The following FBXO42 variants were observed in gnomAD, a reference collection of about 807,000 sequenced individuals.
FBXO42 encodes the protein F-box only protein 42.
In FBXO42, 12 loss-of-function variants were observed where a neutral mutation model predicts 71.7. That is an observed-to-expected ratio of 0.17 (90% confidence interval 0.11 to 0.27). The LOEUF is 0.27. Ranked by LOEUF, FBXO42 falls within the 10% of genes least tolerant of loss-of-function variation. The pLI, the probability that FBXO42 is intolerant of heterozygous loss-of-function variation, is 1.00. For missense variants in FBXO42, 707 were observed against 911.9 expected (o/e 0.78, Z 2.89); for synonymous variants, 325 against 327.5 (o/e 0.99, Z 0.08).
At chr1:16,330,088 T>C (rs1244199165) in intron 1 of FBXO42, among the ~76,000 whole-genome samples, 1 of 151,870 alleles carries the variant, frequency 6.6e-6, no homozygotes. Context: ...AGTTATTATA[T>C]TATTATCACA....
chr1:16,331,067 C>T (rs1419554048), intron 1 of FBXO42, among the ~76,000 whole-genome samples: 1 of 150,074 alleles, frequency 6.7e-6, no homozygotes, highest in Non-Finnish European at 1.5e-5. Flanking sequence ...TTGCAGTGAG[C>T]CAAGACAGCG....
intron 1 of FBXO42, among the ~76,000 whole-genome samples, chr1:16,347,862 G>A (rs558348325): frequency 2.6e-5 from 4 of 151,780 alleles, no homozygotes; most frequent in Admixed American, 6.6e-5. Context: ...GGTAGTGGGC[G>A]CCTGTAGTCT....
chr1:16,255,658 T>C (rs1378351899), intron 6 of FBXO42, 53 bp downstream of exon 6: 1 of 1,458,332 alleles, frequency 6.9e-7, no homozygotes, highest in Non-Finnish European at 9.5e-7. Flanking sequence ...AAACCTGTTA[T>C]TCCCAGGAGT....
At chr1:16,347,256 C>T (rs2082661043) in intron 1 of FBXO42, among the ~76,000 whole-genome samples, 1 of 152,020 alleles carries the variant, frequency 6.6e-6, no homozygotes, top group Admixed American at 6.6e-5. Flanking sequence ...TAGCTCATGC[C>T]TGTAATCCTA....
At chr1:16,261,978 C>T (rs2100450402) in intron 4 of FBXO42, among the ~76,000 whole-genome samples, 1 of 152,156 alleles carries the variant, frequency 6.6e-6, no homozygotes, top group East Asian at 1.9e-4. Flanking sequence ...TCCCAAACTG[C>T]TGGGATTACA....
intron 4 of FBXO42, among the ~76,000 whole-genome samples, chr1:16,260,689 T>C (rs2100446477): frequency 6.6e-6 from 1 of 152,132 alleles, no homozygotes; most frequent in East Asian, 1.9e-4. Flanking sequence ...TTATTCTGGA[T>C]TTTAATTTTT....
chr1:16,286,660 C>T (rs935612867), intron 4 of FBXO42, among the ~76,000 whole-genome samples: 24 of 152,164 alleles, frequency 1.6e-4, no homozygotes, highest in African/African-American at 5.8e-4. Context: ...TGTGTCTCCC[C>T]TGAACTCCAT....
intron 2 of FBXO42, among the ~76,000 whole-genome samples, chr1:16,310,532 T>A (rs901097260): frequency 6.6e-6 from 1 of 151,702 alleles, no homozygotes; most frequent in Non-Finnish European, 1.5e-5. Context: ...CCTTATCCCC[T>A]CCCCAAAATA....
At chr1:16,265,713 A>G (rs545620271) in intron 4 of FBXO42, among the ~76,000 whole-genome samples, 3 of 152,006 alleles carry the variant, frequency 2.0e-5, no homozygotes, top group Non-Finnish European at 4.4e-5. Flanking sequence ...TCCAACCTAA[A>G]GGGTTATTTA....
intron 2 of FBXO42, among the ~76,000 whole-genome samples, chr1:16,312,624 T>C (rs575196633): frequency 6.6e-6 from 1 of 152,096 alleles, no homozygotes; most frequent in South Asian, 2.1e-4. Context: ...ACCCATAGAA[T>C]GCACAACACC....
chr1:16,348,326 G>GTACAGCACAA (rs367980693), intron 1 of FBXO42, among the ~76,000 whole-genome samples: 2,951 of 152,242 alleles, frequency 0.019, 80 homozygotes, highest in African/African-American at 0.068. Flanking sequence ...ACAGCACTAA[G>GTACAGCACAA]GTAAATAACT....
At chr1:16,327,751 G>A (rs2082463433) in intron 1 of FBXO42, among the ~76,000 whole-genome samples, 1 of 152,178 alleles carries the variant, frequency 6.6e-6, no homozygotes, top group Admixed American at 6.6e-5. Context: ...TGCCCAGGCT[G>A]GAGTGCAATG....
At chr1:16,254,038 T>C (rs1429921825) in intron 6 of FBXO42, among the ~76,000 whole-genome samples, 1 of 152,210 alleles carries the variant, frequency 6.6e-6, no homozygotes, top group Non-Finnish European at 1.5e-5. Flanking sequence ...TGATATAAAA[T>C]GAAGGGACCT....
intron 3 of FBXO42, among the ~76,000 whole-genome samples, chr1:16,300,893 CTTTTTTTTTTT>C (rs34549210): frequency 3.0e-5 from 3 of 100,896 alleles, no homozygotes; most frequent in South Asian, 3.1e-4. Flanking sequence ...TAGAATTGGC[CTTTTTTTTTTT>C]TTTTTTTTTT....
In FBXO42 at chr1:16,302,810, G is replaced by A. The variant is rs561609683; in HGVS notation, c.367+2993C>T. On this transcript the variant is annotated intron_variant, in intron 3 of 9. Transcript: ENST00000375592. ...CAGGCGTAAGCCACTGCGGCCAGCC[G>A]AAACCGCCACTTTTAAACCATCAGA... is the stretch of plus-strand genomic sequence containing the variant. Among the ~76,000 whole-genome samples, 6 of 152,150 alleles carry A rather than the reference G, an allele frequency of 3.9e-5. No homozygotes were observed. The South Asian group carries it at 1.0e-3, about 26-fold the overall frequency.
intron 1 of FBXO42, among the ~76,000 whole-genome samples, chr1:16,336,857 C>T (rs558199726): frequency 6.6e-5 from 10 of 152,090 alleles, no homozygotes; most frequent in South Asian, 6.2e-4. Flanking sequence ...TGGTGGCAAA[C>T]GCCCGTAATT....
chr1:16,335,446 A>G lies in FBXO42; in HGVS notation c.-18+16809T>C, dbSNP rs569271336. On this transcript the variant is annotated intron_variant, in intron 1 of 9. Transcript: ENST00000375592. ...AGACACCATGCCCCCGGCTCATATC[A>G]CTTCCTAACTAATCTGCCACAATTA... 4.6e-5 allele frequency among the ~76,000 whole-genome samples: 7 copies of G among 152,168 alleles called. No individual in the cohort carries two copies. The East Asian group carries it at 1.4e-3, about 29-fold the overall frequency.
intron 1 of FBXO42, among the ~76,000 whole-genome samples, chr1:16,343,390 A>C (rs1463505947): frequency 1.2e-5 from 1 of 84,666 alleles, no homozygotes; most frequent in African/African-American, 3.3e-5. Flanking sequence ...CAAAAAACAC[A>C]AAAAAATTAG....
chr1:16,250,863 G>A lies in FBXO42; in HGVS notation c.1961C>T (p.Thr654Ile). 4 of 1,614,112 alleles carry A rather than the reference G, an allele frequency of 2.5e-6. No homozygotes were observed. Among genetic ancestry groups the A allele is most frequent in the Non-Finnish European group, 3.4e-6 (4 of 1,180,034 alleles). Residue 654 changes from threonine to isoleucine, a missense_variant, in exon 10 of 10, where the codon ACC becomes ATC. This residue lies in a region of FBXO42 where 482 missense variants were observed against 587.1 expected (regional missense o/e 0.82). Coordinates refer to ENST00000375592, the MANE Select transcript of FBXO42 (RefSeq NM_018994.3). This position sits in a 1 kb window ranked among gnomAD's most constrained non-coding sequence, Gnocchi z 4.7. ...CCATTTGACCCGCCCCTTCTCCTTG[G>A]TGTCTTTAATGTCCAGCACGTACAT... is the stretch of plus-strand genomic sequence containing the variant. ...MQMYVLDIKD[T>I]KEKGRVKWKV...
Sources: allele counts gnomAD v4.1 joint callset (sites outside exome capture counted in the v4.1 genomes callset), GRCh38; gene constraint gnomAD v4.1.1; regional missense constraint gnomAD v4.1.1; non-coding constraint Gnocchi (gnomAD v3.1); transcripts MANE v1.5; gene names NCBI Gene and HGNC (gene_info 2026-07-23, HGNC 2026-07-21).